The following ATXN7L1 variants were observed in gnomAD, a reference collection of about 807,000 sequenced individuals.
ATXN7L1 encodes the protein ataxin-7-like protein 1.
ATXN7L1 carries 15 observed loss-of-function variants against 70.8 expected under a neutral mutation model. That is an observed-to-expected ratio of 0.21 (90% CI 0.14 to 0.33). The LOEUF (loss-of-function observed/expected upper bound fraction) is 0.33. Ranked by LOEUF, ATXN7L1 falls within the 10% of genes least tolerant of loss-of-function variation. The probability of loss-of-function intolerance (pLI) is 1.00; values close to 1 mark genes in which losing one functional copy is unlikely to be tolerated. For synonymous variants in ATXN7L1, 440 were observed against 445.1 expected (o/e 0.99, Z 0.14); for missense variants, 975 against 1,097.1 (o/e 0.89, Z 1.57).
chr7:105,639,435 C>T (rs1797861384), intron 6 of ATXN7L1, 52 bp downstream of exon 6: 1 of 1,435,516 alleles, frequency 7.0e-7, no homozygotes, highest in East Asian at 2.5e-5. Flanking sequence ...GCAAACATTT[C>T]GACAAAGGCC....
chr7:105,612,765 T>A (rs971916496), intron 10 of ATXN7L1, among the ~76,000 whole-genome samples: 1 of 152,186 alleles, frequency 6.6e-6, no homozygotes, highest in Non-Finnish European at 1.5e-5. Context: ...TGTTTGTGAT[T>A]TGTGAATCCC....
At chr7:105,850,457 TA>T (rs1814710365) in intron 2 of ATXN7L1, among the ~76,000 whole-genome samples, 1 of 152,258 alleles carries the variant, frequency 6.6e-6, no homozygotes, top group South Asian at 2.1e-4. Flanking sequence ...TGCATTGAGC[TA>T]AATGCTGTGT....
At chr7:105,750,831 T>C (rs536087525) in intron 3 of ATXN7L1, among the ~76,000 whole-genome samples, 165 of 152,174 alleles carry the variant, frequency 1.1e-3, no homozygotes, top group African/African-American at 3.9e-3. Flanking sequence ...AAAAGTTACT[T>C]TTATCAATCA....
rs568004819 is a variant in ATXN7L1 at position 105,631,054 on chromosome 7, C to T, written c.1203-6787G>A. 3.3e-5 allele frequency among the ~76,000 whole-genome samples: 5 copies of T among 152,250 alleles called. No individual in the cohort carries two copies. In the East Asian group the frequency reaches 5.8e-4, roughly 18 times the overall value. On this transcript the variant is annotated intron_variant, in intron 7 of 11. Coordinates refer to ENST00000419735, the MANE Select transcript of ATXN7L1 (RefSeq NM_020725.2). ...TGAAGAGGGTGGAATAAAAGAAGGG[C>T]TGTGAAGGCGAGTCAATCTCTGATG...
intron 3 of ATXN7L1, among the ~76,000 whole-genome samples, chr7:105,694,554 C>T (rs1241620838): frequency 6.6e-6 from 1 of 152,212 alleles, no homozygotes; most frequent in African/African-American, 2.4e-5. Flanking sequence ...TCCCAAGTTA[C>T]ACACCCAGGA....
intron 2 of ATXN7L1, among the ~76,000 whole-genome samples, chr7:105,797,939 A>T (rs886091829): frequency 2.6e-5 from 4 of 152,364 alleles, no homozygotes; most frequent in Admixed American, 2.6e-4. Context: ...CTGCTTAATC[A>T]ATGGTAATAT....
chr7:105,725,825 C>A (rs1362513291), intron 3 of ATXN7L1, among the ~76,000 whole-genome samples: 1 of 152,036 alleles, frequency 6.6e-6, no homozygotes, highest in Non-Finnish European at 1.5e-5. Context: ...AGGAGATCCG[C>A]CCGCCTTGGC....
At position 105,607,394 on chromosome 7, in the gene ATXN7L1, G is replaced by T. The variant is rs748002943; in HGVS notation, c.*458C>A. ...TTGAAGACCAGTGAGGACCCAGAGAGTGGTAGACGTAGGGATGGAAGGAAT... is the reference window on the plus strand; with the variant it reads ...TTGAAGACCAGTGAGGACCCAGAGATTGGTAGACGTAGGGATGGAAGGAAT... On this transcript the variant is annotated 3_prime_UTR_variant, in exon 12 of 12. Coordinates refer to ENST00000419735, the MANE Select transcript of ATXN7L1 (RefSeq NM_020725.2). 2 of 170,534 alleles carry T rather than the reference G, an allele frequency of 1.2e-5. No homozygotes were observed. The highest frequency in any genetic ancestry group is 2.5e-5 in the Non-Finnish European group (2 of 79,142). The allele number at this position is 170,534 out of a possible 1,614,324, so 10.6% of individuals were successfully genotyped here. A position where few individuals can be genotyped will look rare whatever the true frequency, so the allele number is the denominator to read the frequency against.
At chr7:105,647,675 A>C (rs766896629) in intron 4 of ATXN7L1, among the ~76,000 whole-genome samples, 9 of 152,212 alleles carry the variant, frequency 5.9e-5, no homozygotes, top group Non-Finnish European at 1.3e-4. Flanking sequence ...AAACAAGCCA[A>C]GCAGCCCTCA....
chr7:105,810,218 G>A (rs949107133), intron 2 of ATXN7L1, among the ~76,000 whole-genome samples: 5 of 149,522 alleles, frequency 3.3e-5, no homozygotes, highest in African/African-American at 1.2e-4. Context: ...TGTGGTGTTG[G>A]AGAGATCTAC....
chr7:105,684,108 G>A (rs1254021708), intron 3 of ATXN7L1, among the ~76,000 whole-genome samples: 1 of 152,192 alleles, frequency 6.6e-6, no homozygotes, highest in Non-Finnish European at 1.5e-5. Flanking sequence ...CAGGTAAGTG[G>A]TGTGACAGTT....
At chr7:105,692,483 G>A (rs1444447255) in intron 3 of ATXN7L1, among the ~76,000 whole-genome samples, 2 of 120,848 alleles carry the variant, frequency 1.7e-5, no homozygotes, top group East Asian at 5.6e-4. Flanking sequence ...GTCTGGCTCT[G>A]TCACCCAGGC....
chr7:105,621,685 A>C (rs1189579213), intron 8 of ATXN7L1, among the ~76,000 whole-genome samples: 1 of 152,214 alleles, frequency 6.6e-6, no homozygotes, highest in Admixed American at 6.5e-5. Context: ...TGGCTGGTTT[A>C]GGGCTCAGGC....
chr7:105,663,854 C>G (rs1363168204), intron 4 of ATXN7L1, among the ~76,000 whole-genome samples: 1 of 152,092 alleles, frequency 6.6e-6, no homozygotes, highest in African/African-American at 2.4e-5. Context: ...CAACCTCTGC[C>G]TCCCGGGTTG....
intron 3 of ATXN7L1, among the ~76,000 whole-genome samples, chr7:105,701,904 G>A (rs1792508667): frequency 6.6e-6 from 1 of 152,066 alleles, no homozygotes; most frequent in South Asian, 2.1e-4. Context: ...ACTGGCTTAT[G>A]GTTTTACTTT....
At chr7:105,667,653 C>A (rs1802856335) in intron 3 of ATXN7L1, among the ~76,000 whole-genome samples, 1 of 95,148 alleles carries the variant, frequency 1.1e-5, no homozygotes, top group Non-Finnish European at 2.3e-5. Flanking sequence ...GAGCCGAGAT[C>A]CCGCCACTGC....
At chr7:105,784,129 T>G (rs1563089427) in intron 3 of ATXN7L1, among the ~76,000 whole-genome samples, 1 of 152,150 alleles carries the variant, frequency 6.6e-6, no homozygotes, top group East Asian at 1.9e-4. Context: ...GCCTGGCTAA[T>G]TTTTAAATAT....
chr7:105,699,053 A>C (rs1792107829), intron 3 of ATXN7L1, among the ~76,000 whole-genome samples: 1 of 152,200 alleles, frequency 6.6e-6, no homozygotes, highest in Non-Finnish European at 1.5e-5. Flanking sequence ...TTCCATTTAA[A>C]ATTTATAATG....
In ATXN7L1 at chr7:105,689,770, T is replaced by C. The variant is rs113330323; in HGVS notation, c.356-24482A>G. Among the ~76,000 whole-genome samples the C allele has an allele frequency of 2.2e-3, 334 of 152,252 alleles. 1 individual carries two copies. The highest frequency in any genetic ancestry group is 7.8e-3 in the African/African-American group (323 of 41,538). ...AGTTAGCCCAGAGCAAATGGGGGCATGAGGAGGCGAAGGTCCGATGGATCA... is the reference window on the plus strand; with the variant it reads ...AGTTAGCCCAGAGCAAATGGGGGCACGAGGAGGCGAAGGTCCGATGGATCA... On this transcript the variant is annotated intron_variant, in intron 3 of 11. Transcript: ENST00000419735.
Sources: allele counts gnomAD v4.1 joint callset (sites outside exome capture counted in the v4.1 genomes callset), GRCh38; gene constraint gnomAD v4.1.1; transcripts MANE v1.5; gene names NCBI Gene and HGNC (gene_info 2026-07-23, HGNC 2026-07-21).